IGFLR1: variants seen among roughly 807,000 people sequenced by gnomAD.
IGFLR1 encodes the protein IGF-like family receptor 1.
A neutral mutation model predicts 23.4 loss-of-function variants in IGFLR1; 17 were observed. That is an observed-to-expected ratio of 0.73 (90% CI 0.50 to 1.09). The LOEUF is 1.09. IGFLR1 is among the 50% of genes least tolerant of loss of function. IGFLR1 has a pLI of 0.00. For missense variants in IGFLR1, 556 were observed against 459.2 expected, an observed-to-expected ratio of 1.21 and a Z score of -1.93; for synonymous variants, 265 against 210.7, an observed-to-expected ratio of 1.26 and a Z score of -2.23.
At position 35,740,494 on chromosome 19, in the gene IGFLR1, A is replaced by G; in HGVS notation, c.228T>C (p.Cys76=). ...GDFVTPPFRK[C]SSGQCNPDGA... is the part of the protein sequence containing the mutation. ...CGTCGGGGTTGCACTGCCCAGAAGA[A>G]CACTTTCGGAACGGGGGCGTTACGA... The change falls in exon 3 of 5, where the codon TGT becomes TGC. Residue 76 remains cysteine, a synonymous_variant. Coordinates refer to ENST00000246532, the MANE Select transcript of IGFLR1 (RefSeq NM_024660.4). 1 of 1,613,012 alleles carries G rather than the reference A, an allele frequency of 6.2e-7. No homozygotes were observed. The highest frequency in any genetic ancestry group is 2.2e-5 in the East Asian group (1 of 44,844).
Position 35,740,452 on chromosome 19 carries a change from G to T in IGFLR1, c.270C>A (p.Ser90Arg), listed in dbSNP as rs765581868. Residue 90 changes from serine (S) to arginine (R), a missense_variant, in exon 3 of 5, where the codon AGC (serine) becomes AGA (arginine). Coordinates refer to ENST00000246532, the MANE Select transcript of IGFLR1 (RefSeq NM_024660.4). The part of the protein sequence containing the change: ...QCNPDGAELC[S>R]PCGGGAVTPT... Reference sequence around the variant, plus strand: ...GGGTCACGGCTCCGCCGCCGCAGGGGCTACATAGCTCCGCGCCGTCGGGGT... The same window carrying T: ...GGGTCACGGCTCCGCCGCCGCAGGGTCTACATAGCTCCGCGCCGTCGGGGT... The T allele has an allele frequency of 1.9e-6, 3 of 1,612,588 alleles. No homozygotes were observed. Among genetic ancestry groups the T allele is most frequent in the African/African-American group, 2.7e-5 (2 of 74,914 alleles).
In IGFLR1 at chr19:35,740,921, C is replaced by T. The variant is rs369986111; in HGVS notation, c.157+103G>A. ...CTGCATAAGGCCCACCGCTTAGACCCCTAAGCAAGCCTCTCTGGCCCGTAG... is the reference window on the plus strand; with the variant it reads ...CTGCATAAGGCCCACCGCTTAGACCTCTAAGCAAGCCTCTCTGGCCCGTAG... On this transcript the variant is annotated intron_variant, in intron 2 of 4. Coordinates refer to ENST00000246532, the MANE Select transcript of IGFLR1 (RefSeq NM_024660.4). 130 of 1,124,672 alleles carry T rather than the reference C, an allele frequency of 1.2e-4. No individual in the cohort carries two copies. In the African/African-American group the frequency reaches 1.7e-3, roughly 15 times the overall value. The allele number at this position is 1,124,672 out of a possible 1,614,324, so 69.7% of individuals were successfully genotyped here. A position where few individuals can be genotyped will look rare whatever the true frequency, so the allele number is the denominator to read the frequency against.
intron 3 of IGFLR1, 107 bp from the exon 4 acceptor site, chr19:35,740,195 G>A (rs1256918293): frequency 4.3e-6 from 6 of 1,388,512 alleles, no homozygotes; most frequent in Middle Eastern, 2.6e-4. Context: ...CATCTGATAC[G>A]GTATCTGATA....
At chr19:35,740,323 A>T (rs1599713552) in intron 3 of IGFLR1, 57 bp downstream of exon 3, 1 of 1,482,168 alleles carries the variant, frequency 6.7e-7, no homozygotes. Context: ...CCGGCTCCCT[A>T]CATCTAGGCC....
intron 2 of IGFLR1, 118 bp downstream of exon 2, chr19:35,740,905 GC>G: frequency 1.1e-6 from 1 of 930,590 alleles, no homozygotes; most frequent in Non-Finnish European, 1.6e-6. Flanking sequence ...TCTGCATAAG[GC>G]CCACCGCTTA....
In IGFLR1 at chr19:35,740,069, C is replaced by T; in HGVS notation, c.362G>A (p.Gly121Glu). ...GTTTCCAGGTGTGAGGGGGCAGTGC[C>T]CCTTGGCAGGGACCGGCCTCTGGGG... ...RCRERPVPAK[G>E]HCPLTPGNPG... The change falls in exon 4 of 5, where the codon GGG (glycine) becomes GAG (glutamate). Residue 121 changes from glycine to glutamate, a missense_variant. Transcript: ENST00000246532. The T allele has an allele frequency of 6.2e-7, 1 of 1,613,028 alleles. No homozygotes were observed.
rs781247022 is a variant in IGFLR1, at chr19:35,739,754, CCT to C, written c.675_676del (p.Asp227HisfsTer29). 4.1e-5 allele frequency: 64 copies of C among 1,555,000 alleles called. No homozygotes were observed. Among genetic ancestry groups the C allele is most frequent in the Admixed American group, 1.7e-4 (9 of 54,448 alleles). On this transcript the variant is annotated frameshift_variant, in exon 4 of 5. Transcript: ENST00000246532. LOFTEE classifies it low-confidence loss of function (END_TRUNC). ...TAGTGAGGCCTCCTTCCATGTGTCC[CCT>C]GTCTCCAGGGCGCCTGGGGAGGACA...
chr19:35,742,022 T>C (rs3848665), intron 1 of IGFLR1, among the ~76,000 whole-genome samples: 21,327 of 152,096 alleles, frequency 0.14, 1,619 homozygotes, highest in Middle Eastern at 0.29. Flanking sequence ...TGAGGCAGAA[T>C]TGCTTGAACC....
chr19:35,741,405 A>G, intron 1 of IGFLR1, 182 bp from the exon 2 acceptor site: 1 of 600,128 alleles, frequency 1.7e-6, no homozygotes, highest in Non-Finnish European at 2.9e-6. Context: ...AGATTGCAAG[A>G]ATGCATATCC....
intron 2 of IGFLR1, 196 bp downstream of exon 2, chr19:35,740,828 T>A: frequency 1.5e-6 from 1 of 649,428 alleles, no homozygotes; most frequent in South Asian, 2.0e-5. Context: ...TCCAGCCATA[T>A]CCATTCGCTG....
rs780108167 is a variant in IGFLR1 at position 35,741,056 on chromosome 19, C to A, written c.125G>T (p.Cys42Phe). 2 of 1,608,222 alleles carry A rather than the reference C, an allele frequency of 1.2e-6. No homozygotes were observed. The highest frequency in any genetic ancestry group is 3.4e-5 in the Admixed American group (2 of 59,206). Residue 42 changes from cysteine (C) to phenylalanine (F), a missense_variant, in exon 2 of 5, where the codon TGC (cysteine) becomes TTC (phenylalanine). Cys to Phe is a radical substitution (Grantham distance 205). Transcript: ENST00000246532. ...WNPDNKCCSS[C>F]LQRFGPPPCP... ...GGGGGGCGGCCCGAAGCGTTGCAGG[C>A]AGCTGCTGCAGCACTTGTTGTCTGG... is the stretch of plus-strand genomic sequence containing the variant.
In IGFLR1 at chr19:35,739,845, G is replaced by A; in HGVS notation, c.586C>T (p.Pro196Ser). 6 of 1,612,470 alleles carry A rather than the reference G, an allele frequency of 3.7e-6. No homozygotes were observed. Among genetic ancestry groups the A allele is most frequent in the Non-Finnish European group, 4.2e-6 (5 of 1,178,696 alleles). ...CAGACCAAGCCAGGATAGGGATAGG[G>A]GTCGGCTTTCTCCTTGGGCCAGCAG... ...HLCWPKEKADPYPYPGLVCGV... is the reference protein window; with the variant it reads ...HLCWPKEKADSYPYPGLVCGV... The change falls in exon 4 of 5, where the codon CCC becomes TCC. Residue 196 changes from proline to serine, a missense_variant. Coordinates refer to ENST00000246532, the MANE Select transcript of IGFLR1 (RefSeq NM_024660.4).
intron 2 of IGFLR1, 70 bp from the exon 3 acceptor site, chr19:35,740,634 G>A: frequency 7.0e-7 from 1 of 1,423,548 alleles, no homozygotes; most frequent in Non-Finnish European, 9.5e-7. Flanking sequence ...CTCTCCCTTC[G>A]CCCTATCCCA....
Position 35,740,473 on chromosome 19 carries a change from G to A in IGFLR1, c.249C>T (p.Pro83=). The change falls in exon 3 of 5, where the codon CCC becomes CCT. Residue 83 remains proline (P), a synonymous_variant. Coordinates refer to ENST00000246532, the MANE Select transcript of IGFLR1 (RefSeq NM_024660.4). ...FRKCSSGQCN[P]DGAELCSPCG... is the part of the protein sequence containing the mutation. The stretch of plus-strand genomic sequence containing the variant: ...AGGGGCTACATAGCTCCGCGCCGTC[G>A]GGGTTGCACTGCCCAGAAGAACACT... 1 of 1,613,010 alleles carries A rather than the reference G, an allele frequency of 6.2e-7. No homozygotes were observed. The highest frequency in any genetic ancestry group is 8.5e-7 in the Non-Finnish European group (1 of 1,179,872).
rs762064722 is a variant in IGFLR1, at chr19:35,739,323, C to T, written c.1025G>A (p.Arg342Gln). The change falls in exon 5 of 5, where the codon CGG becomes CAG. Residue 342 changes from arginine to glutamine, a missense_variant. Coordinates refer to ENST00000246532, the MANE Select transcript of IGFLR1 (RefSeq NM_024660.4). The stretch of plus-strand genomic sequence containing the variant: ...AGATGAGCCAAGCTTGGACAGCACC[C>T]GCAATGCATCTGCCCGCCCTAGCTG... ...LAQLGRADALRVLSKLGSSGV... is the reference protein window; with the variant it reads ...LAQLGRADALQVLSKLGSSGV... 1.1e-5 allele frequency: 18 copies of T among 1,607,812 alleles called. No individual in the cohort carries two copies. The highest frequency in any genetic ancestry group is 6.7e-5 in the African/African-American group (5 of 74,850).
chr19:35,740,497 C>G lies in IGFLR1; in HGVS notation c.225G>C (p.Lys75Asn). 1 of 1,613,080 alleles carries G rather than the reference C, an allele frequency of 6.2e-7. No homozygotes were observed. Among genetic ancestry groups the G allele is most frequent in the Non-Finnish European group, 8.5e-7 (1 of 1,179,856 alleles). ...HGDFVTPPFR[K>N]CSSGQCNPDG... ...CGGGGTTGCACTGCCCAGAAGAACA[C>G]TTTCGGAACGGGGGCGTTACGAAAT... Residue 75 changes from lysine to asparagine, a missense_variant, in exon 3 of 5, where the codon AAG (lysine) becomes AAC (asparagine). Coordinates refer to ENST00000246532, the MANE Select transcript of IGFLR1 (RefSeq NM_024660.4).
In IGFLR1 at chr19:35,739,910, G is replaced by A; in HGVS notation, c.521C>T (p.Ala174Val). 1 of 1,614,134 alleles carries A rather than the reference G, an allele frequency of 6.2e-7. No homozygotes were observed. Among genetic ancestry groups the A allele is most frequent in the Middle Eastern group, 1.6e-4 (1 of 6,062 alleles). ...LVVLVLLLTLAVIAILLFILL... is the reference protein window; with the variant it reads ...LVVLVLLLTLVVIAILLFILL... ...AATAAACAGGAGGATCGCTATCACC[G>A]CCAAGGTCAGGAGCAGGACCAGCAC... The change falls in exon 4 of 5, where the codon GCG becomes GTG. Residue 174 changes from alanine to valine, a missense_variant. Transcript: ENST00000246532.
chr19:35,740,403 T>C lies in IGFLR1; in HGVS notation c.319A>G (p.Arg107Gly), dbSNP rs759441992. 1.2e-6 allele frequency: 2 copies of C among 1,604,088 alleles called. No homozygotes were observed. The highest frequency in any genetic ancestry group is 8.5e-7 in the Non-Finnish European group (1 of 1,176,168). Residue 107 changes from arginine (R) to glycine (G), a missense_variant, in exon 3 of 5, where the codon AGA becomes GGA. Physicochemically the swap from Arg to Gly is moderately radical, Grantham distance 125. Coordinates refer to ENST00000246532, the MANE Select transcript of IGFLR1 (RefSeq NM_024660.4). ...ACCTCTCTGCAGCGCCACGGGGTTCTGCCCCCGCCCGCGGCGGGAGTAGGG... is the reference window on the plus strand; with the variant it reads ...ACCTCTCTGCAGCGCCACGGGGTTCCGCCCCCGCCCGCGGCGGGAGTAGGG... Reference protein sequence around the residue: ...VTPTPAAGGGRTPWRCRERPV... With the variant: ...VTPTPAAGGGGTPWRCRERPV...
rs541938538 is a variant in IGFLR1, at chr19:35,738,977, G to A, written c.*303C>T. The A allele has an allele frequency of 1.7e-4, 80 of 465,716 alleles. 2 individuals are homozygous for A. Among genetic ancestry groups the A allele is most frequent in the Non-Finnish European group, 1.5e-5 (4 of 261,744 alleles). 28.8% of individuals were successfully genotyped at this position (465,716 alleles called of 1,614,324 possible). A position where few individuals can be genotyped will look rare whatever the true frequency, so the allele number is the denominator to read the frequency against. ...CAAGGAAGTTCATCAGCCTCAACAG[G>A]TAGGTGAGGCCATCATTCAGAATTA... On this transcript the variant is annotated 3_prime_UTR_variant, in exon 5 of 5. Transcript: ENST00000246532. This position sits in a 1 kb window ranked among gnomAD's most constrained non-coding sequence, Gnocchi z 8.7.
Sources: allele counts gnomAD v4.1 joint callset (sites outside exome capture counted in the v4.1 genomes callset), GRCh38; gene constraint gnomAD v4.1.1; non-coding constraint Gnocchi (gnomAD v3.1); transcripts MANE v1.5; gene names NCBI Gene and HGNC (gene_info 2026-07-23, HGNC 2026-07-21).